KSR1: variants seen among roughly 807,000 people sequenced by gnomAD.
KSR1 encodes kinase suppressor of ras.
A neutral mutation model predicts 92.9 loss-of-function variants in KSR1; 35 were observed. The ratio of observed to expected loss-of-function variants is 0.38; its 90% CI spans 0.29 to 0.50. The LOEUF (loss-of-function observed/expected upper bound fraction) is 0.50. Ranked by LOEUF, KSR1 falls within the 20% of genes least tolerant of loss-of-function variation. KSR1 has a pLI of 0.94. For synonymous variants in KSR1, 467 were observed against 472.6 expected (o/e 0.99, Z 0.15); for missense variants, 972 against 1,158.5 (o/e 0.84, Z 2.34).
At chr17:27,513,125 T>C (rs1383440008) in intron 1 of KSR1, among the ~76,000 whole-genome samples, 1 of 152,226 alleles carries the variant, frequency 6.6e-6, no homozygotes, top group African/African-American at 2.4e-5. Flanking sequence ...TATTCTTTAG[T>C]GTCTGGTTTC....
chr17:27,460,011 C>G (rs2019353640), intron 1 of KSR1, among the ~76,000 whole-genome samples: 1 of 152,164 alleles, frequency 6.6e-6, no homozygotes, highest in African/African-American at 2.4e-5. Context: ...CATTTTCCCT[C>G]TCTAAATATA....
intron 1 of KSR1, chr17:27,526,475 C>T: frequency 6.3e-7 from 1 of 1,595,074 alleles, no homozygotes; most frequent in Non-Finnish European, 8.6e-7. Context: ...TACATCTTCT[C>T]TTTATTGAGA....
intron 1 of KSR1, among the ~76,000 whole-genome samples, chr17:27,511,351 A>T (rs2069592890): frequency 1.3e-5 from 2 of 152,128 alleles, no homozygotes; most frequent in Non-Finnish European, 2.9e-5. Flanking sequence ...ACCAGTGTGG[A>T]GAGGTAGAAG....
intron 1 of KSR1, among the ~76,000 whole-genome samples, chr17:27,498,154 AC>A (rs2069053353): frequency 6.6e-6 from 1 of 151,836 alleles, no homozygotes; most frequent in Non-Finnish European, 1.5e-5. Flanking sequence ...ACATGGTGAA[AC>A]CCCGTCTCTA....
At chr17:27,521,899 A>G (rs1006343312) in intron 1 of KSR1, among the ~76,000 whole-genome samples, 21 of 152,314 alleles carry the variant, frequency 1.4e-4, no homozygotes, top group Middle Eastern at 3.4e-3. Context: ...CTTATCACCC[A>G]TGCTGCTAGG....
intron 6 of KSR1, among the ~76,000 whole-genome samples, chr17:27,590,488 G>A (rs778216364): frequency 3.9e-5 from 6 of 152,182 alleles, no homozygotes; most frequent in Non-Finnish European, 7.3e-5. Flanking sequence ...CTATGTGTTG[G>A]ATAAATTCCT....
intron 1 of KSR1, among the ~76,000 whole-genome samples, chr17:27,464,772 T>G (rs1384876902): frequency 6.6e-6 from 1 of 151,982 alleles, no homozygotes; most frequent in Non-Finnish European, 1.5e-5. Flanking sequence ...ATCCATTGGT[T>G]TTCATGTCAA....
rs58530359 is a variant in KSR1, at chr17:27,563,149, G to A, written c.372+12441G>A. 7.2e-3 allele frequency among the ~76,000 whole-genome samples: 1,090 copies of A among 152,158 alleles called. 37 individuals carry two copies. In the East Asian group the frequency reaches 0.1, roughly 14 times the overall value. ...TCGGACTGTTGCAGTTTCCCCATTC[G>A]CTCCCTATATCCACTCTTTACCCTC... On this transcript the variant is annotated intron_variant, in intron 2 of 20. Coordinates refer to ENST00000644974, the MANE Select transcript of KSR1 (RefSeq NM_001394583.1).
rs187514252 is a variant in KSR1, at chr17:27,479,939, A to G, written c.231+23065A>G. ...TATTCTCTCGGGTGTGTGTGAATGT[A>G]TGTAGGTGTCTGCCTGTGTGTGGGT... On this transcript the variant is annotated intron_variant, in intron 1 of 20. Transcript: ENST00000644974. Among the ~76,000 whole-genome samples, 4 of 152,248 alleles carry G rather than the reference A, an allele frequency of 2.6e-5. No homozygotes were observed. In the South Asian group the frequency reaches 6.2e-4, roughly 24 times the overall value.
At chr17:27,472,359 A>C (rs888200390) in intron 1 of KSR1, among the ~76,000 whole-genome samples, 18 of 152,342 alleles carry the variant, frequency 1.2e-4, no homozygotes, top group African/African-American at 3.8e-4. Context: ...GTGCCTGGAA[A>C]TAGCCTGGTG....
At chr17:27,503,802 TG>T (rs776080062) in intron 1 of KSR1, among the ~76,000 whole-genome samples, 1 of 152,178 alleles carries the variant, frequency 6.6e-6, no homozygotes, top group African/African-American at 2.4e-5. Context: ...TCCTAGATGG[TG>T]GAGGCGCCGT....
chr17:27,542,401 T>A (rs1409813469), intron 1 of KSR1, among the ~76,000 whole-genome samples: 1 of 152,198 alleles, frequency 6.6e-6, no homozygotes, highest in East Asian at 1.9e-4. Context: ...CTGCCCTGCT[T>A]CTGAGACATG....
chr17:27,608,428 G>A (rs2073823559), intron 15 of KSR1, among the ~76,000 whole-genome samples: 1 of 152,198 alleles, frequency 6.6e-6, no homozygotes, highest in African/African-American at 2.4e-5. Context: ...GGGGTACACA[G>A]GAGCCCTGGG....
rs1307196294 is a variant in KSR1 at position 27,623,437 on chromosome 17, G to C, written c.*45G>C. The C allele has an allele frequency of 1.4e-6, 1 of 738,458 alleles. No individual in the cohort carries two copies. The highest frequency in any genetic ancestry group is 2.5e-6 in the Non-Finnish European group (1 of 403,468). 45.7% of individuals were successfully genotyped at this position (738,458 alleles called of 1,614,324 possible). On this transcript the variant is annotated 3_prime_UTR_variant, in exon 21 of 21. Transcript: ENST00000644974. ...CTGCTGATCTCTTTCTTTTTAAAAT[G>C]TGTTTCTGAAACATCCCAACAACCA...
intron 1 of KSR1, among the ~76,000 whole-genome samples, chr17:27,500,199 G>C (rs561695763): frequency 5.2e-4 from 79 of 152,338 alleles, no homozygotes; most frequent in African/African-American, 1.9e-3. Flanking sequence ...GTGCAATGCA[G>C]TGGGTGTAAA....
chr17:27,542,581 G>A (rs994764174), intron 1 of KSR1, among the ~76,000 whole-genome samples: 2 of 152,142 alleles, frequency 1.3e-5, no homozygotes, highest in Admixed American at 6.5e-5. Flanking sequence ...ATTTTAGGGT[G>A]GAGCTGACTT....
chr17:27,486,638 C>A (rs929315285), intron 1 of KSR1, among the ~76,000 whole-genome samples: 1 of 152,180 alleles, frequency 6.6e-6, no homozygotes, highest in Non-Finnish European at 1.5e-5. Flanking sequence ...CTCGGAGTGC[C>A]AACCTTGACT....
chr17:27,591,994 G>A (rs2073182313), intron 7 of KSR1, among the ~76,000 whole-genome samples: 2 of 152,310 alleles, frequency 1.3e-5, no homozygotes, highest in African/African-American at 4.8e-5. Context: ...AACATTATCT[G>A]TCTAATTCTT....
At chr17:27,566,413 GGGGGCCAGGGCT>G in intron 2 of KSR1, 1 of 399,286 alleles carries the variant, frequency 2.5e-6, no homozygotes, top group Non-Finnish European at 4.4e-6. Flanking sequence ...ACACTGCACT[GGGGGCCAGGGCT>G]GCCGGGGACC....
Sources: gnomAD v4.1 joint callset for allele counts (sites outside exome capture counted in the v4.1 genomes callset) on GRCh38, gnomAD v4.1.1 for gene constraint, MANE v1.5 for transcripts, NCBI Gene and HGNC (gene_info 2026-07-23, HGNC 2026-07-21) for gene names.